BCKDHB: variants seen among roughly 807,000 people sequenced by gnomAD.
BCKDHB encodes branched chain keto acid dehydrogenase E1 subunit beta.
A neutral mutation model predicts 48.5 loss-of-function variants in BCKDHB; 41 were observed. The observed-to-expected ratio is 0.85, with a 90% CI of 0.66 to 1.10. BCKDHB has a LOEUF of 1.10. BCKDHB is among the 50% of genes least tolerant of loss of function. The pLI is 0.00. For synonymous variants in BCKDHB, 201 were observed against 174.8 expected (o/e 1.15, Z -1.18); for missense variants, 496 against 494.2 (o/e 1.00, Z -0.03).
chr6:80,260,886 C>A lies in BCKDHB; in HGVS notation c.952-12249C>A, dbSNP rs973576387. Among the ~76,000 whole-genome samples the A allele has an allele frequency of 2.0e-5, 3 of 152,134 alleles. No homozygotes were observed. The East Asian group carries it at 5.8e-4, about 29-fold the overall frequency. ...ATCTTGATATTTGGAAAAAAAAGAT[C>A]ATTTTGCCAAAGATGTTTCCTTAAA... is the stretch of plus-strand genomic sequence containing the variant. On this transcript the variant is annotated intron_variant, in intron 8 of 9. Coordinates refer to ENST00000320393, the MANE Select transcript of BCKDHB (RefSeq NM_183050.4).
intron 3 of BCKDHB, among the ~76,000 whole-genome samples, chr6:80,145,027 C>T (rs571052818): frequency 2.2e-4 from 33 of 152,180 alleles, no homozygotes; most frequent in Admixed American, 3.9e-4. Flanking sequence ...TACGTAGTTA[C>T]ATAACGTATC....
intron 3 of BCKDHB, among the ~76,000 whole-genome samples, chr6:80,138,406 T>C (rs558667719): frequency 1.3e-5 from 2 of 152,190 alleles, no homozygotes; most frequent in African/African-American, 4.8e-5. Context: ...ACTCGTCATC[T>C]AGCATTAGGT....
chr6:80,463,589 CT>C, the BCKDHB span, among the ~76,000 whole-genome samples: 277 of 150,002 alleles, frequency 1.8e-3, 1 homozygote, highest in Middle Eastern at 6.9e-3. Flanking sequence ...TTTCAATATA[CT>C]TTTTTTTTTC....
At chr6:80,304,346 A>G (rs1767742450) in intron 9 of BCKDHB, among the ~76,000 whole-genome samples, 1 of 152,096 alleles carries the variant, frequency 6.6e-6, no homozygotes, top group African/African-American at 2.4e-5. Flanking sequence ...CTAAGTTTGC[A>G]ATACATTTTT....
At chr6:80,137,628 C>T (rs548892072) in intron 3 of BCKDHB, among the ~76,000 whole-genome samples, 17 of 152,134 alleles carry the variant, frequency 1.1e-4, no homozygotes, top group Non-Finnish European at 2.1e-4. Context: ...TATATCTAGT[C>T]TAGTGGTTTT....
downstream of BCKDHB, among the ~76,000 whole-genome samples, chr6:80,347,374 G>T (rs1018232825): frequency 6.6e-6 from 1 of 152,194 alleles, no homozygotes; most frequent in Admixed American, 6.5e-5. Context: ...CCAAAACTCA[G>T]TATGGACTTT....
chr6:80,121,761 CGAT>C lies in BCKDHB; in HGVS notation c.197-5784_197-5782del, dbSNP rs1353903665. 1.8e-4 allele frequency among the ~76,000 whole-genome samples: 27 copies of C among 152,128 alleles called. 1 individual carries two copies. Among genetic ancestry groups the C allele is most frequent in the Admixed American group, 1.6e-3 (25 of 15,254 alleles). On this transcript the variant is annotated intron_variant, in intron 1 of 9. Transcript: ENST00000320393. ...AGCTTAAGGAGATTTTGGGCTGAGA[CGAT>C]GGGGTTTTCTAAATATACAATAATC...
chr6:80,352,179 A>G, the BCKDHB span, among the ~76,000 whole-genome samples: 1 of 145,418 alleles, frequency 6.9e-6, no homozygotes, highest in Non-Finnish European at 1.5e-5. Flanking sequence ...GGGTTTGGCC[A>G]TGTTGCCCAG....
chr6:80,433,817 G>A, the BCKDHB span, among the ~76,000 whole-genome samples: 1 of 152,156 alleles, frequency 6.6e-6, no homozygotes, highest in Non-Finnish European at 1.5e-5. Flanking sequence ...ATGCACGGTT[G>A]TGCAATTTTC....
chr6:80,230,221 GT>G (rs2127884752), intron 8 of BCKDHB, among the ~76,000 whole-genome samples: 2 of 150,816 alleles, frequency 1.3e-5, no homozygotes, highest in South Asian at 4.2e-4. Flanking sequence ...TGTATTTTTA[GT>G]AGAGACGGGG....
chr6:80,255,345 G>A (rs1307167318), intron 8 of BCKDHB, among the ~76,000 whole-genome samples: 1 of 152,142 alleles, frequency 6.6e-6, no homozygotes, highest in Non-Finnish European at 1.5e-5. Context: ...TTTCAAAAAT[G>A]AGTCATCAAT....
intron 8 of BCKDHB, among the ~76,000 whole-genome samples, chr6:80,227,967 A>G (rs1373554827): frequency 6.6e-6 from 1 of 152,066 alleles, no homozygotes; most frequent in African/African-American, 2.4e-5. Flanking sequence ...CAACCACCAT[A>G]TGTGGTGATT....
At chr6:80,229,879 C>G (rs1205386604) in intron 8 of BCKDHB, among the ~76,000 whole-genome samples, 1 of 151,802 alleles carries the variant, frequency 6.6e-6, no homozygotes, top group Non-Finnish European at 1.5e-5. Flanking sequence ...GAAAGAAAGA[C>G]AGTGGATACA....
intron 2 of BCKDHB, 34 bp downstream of exon 2, chr6:80,127,658 G>T (rs1770416656): frequency 6.5e-7 from 1 of 1,546,510 alleles, no homozygotes; most frequent in Admixed American, 1.7e-5. Context: ...TGTGGTAGCT[G>T]TGTTAATTCC....
At chr6:80,296,586 A>G (rs1032793515) in intron 9 of BCKDHB, among the ~76,000 whole-genome samples, 1 of 152,198 alleles carries the variant, frequency 6.6e-6, no homozygotes, top group African/African-American at 2.4e-5. Context: ...CCTTATAAAC[A>G]AATCTGTTTA....
chr6:80,389,409 C>T, the BCKDHB span, among the ~76,000 whole-genome samples: 10 of 152,182 alleles, frequency 6.6e-5, no homozygotes, highest in African/African-American at 2.2e-4. Flanking sequence ...CAGTCAGCTA[C>T]CTGGTGGCAA....
In BCKDHB at chr6:80,132,916, G is replaced by A. The variant is rs1770702259; in HGVS notation, c.343+3687G>A. On this transcript the variant is annotated intron_variant, in intron 3 of 9. Transcript: ENST00000320393. Reference sequence around the variant, plus strand: ...AAAATTATCTGCCCTTTTGAATATAGGGCAGGAATTTTTAGCTATACAGAA... The same window carrying A: ...AAAATTATCTGCCCTTTTGAATATAAGGCAGGAATTTTTAGCTATACAGAA... 1.3e-5 allele frequency among the ~76,000 whole-genome samples: 2 copies of A among 152,150 alleles called. 1 individual carries two copies. Among genetic ancestry groups the A allele is most frequent in the South Asian group, 4.1e-4 (2 of 4,822 alleles).
At chr6:80,237,195 C>T (rs1776180490) in intron 8 of BCKDHB, among the ~76,000 whole-genome samples, 1 of 152,020 alleles carries the variant, frequency 6.6e-6, no homozygotes, top group Non-Finnish European at 1.5e-5. Context: ...GATTTTACAC[C>T]ATTTAAGGAG....
intron 6 of BCKDHB, among the ~76,000 whole-genome samples, chr6:80,175,194 C>G (rs1357525336): frequency 6.6e-6 from 1 of 152,114 alleles, no homozygotes; most frequent in Non-Finnish European, 1.5e-5. Context: ...TGTATTTCAG[C>G]TACCAGGAAG....
Sources: allele counts gnomAD v4.1 joint callset (sites outside exome capture counted in the v4.1 genomes callset), GRCh38; gene constraint gnomAD v4.1.1; transcripts MANE v1.5; gene names NCBI Gene and HGNC (gene_info 2026-07-23, HGNC 2026-07-21).